MYH14: variants seen among roughly 807,000 people sequenced by gnomAD.
The protein encoded by MYH14 is myosin heavy chain 14, also known as myosin-14.
A neutral mutation model predicts 255.5 loss-of-function variants in MYH14; 123 were observed. That is an observed-to-expected ratio of 0.48 (90% CI 0.42 to 0.56). MYH14 has a LOEUF of 0.56. Among genes scored for constraint, MYH14 ranks in the 20% least tolerant of loss-of-function variants. MYH14 has a pLI of 0.00. For missense variants in MYH14, 2,423 were observed against 2,802.3 expected, an observed-to-expected ratio of 0.86 and a Z score of 3.06; for synonymous variants, 1,095 against 1,161.2, an observed-to-expected ratio of 0.94 and a Z score of 1.16.
At chr19:50,215,392 C>A (rs780937004) in intron 2 of MYH14, among the ~76,000 whole-genome samples, 2 of 152,216 alleles carry the variant, frequency 1.3e-5, no homozygotes, top group Non-Finnish European at 2.9e-5. Flanking sequence ...CCCAGCAAAC[C>A]GGTTGTTCTG....
At chr19:50,296,984 T>TTTTGTTTG (rs1297941166) in intron 39 of MYH14, among the ~76,000 whole-genome samples, 1 of 151,628 alleles carries the variant, frequency 6.6e-6, no homozygotes, top group Non-Finnish European at 1.5e-5. Context: ...CTCTGTTTTT[T>TTTTGTTTG]TTTGTTTGTT....
chr19:50,271,281 C>A, intron 24 of MYH14, 128 bp from the exon 25 acceptor site: 1 of 923,116 alleles, frequency 1.1e-6, no homozygotes, highest in Non-Finnish European at 1.6e-6. Flanking sequence ...CGGCCTCACC[C>A]AGGGCATGGA....
rs745351261 is a variant in MYH14 at position 50,248,995 on chromosome 19, C to T, written c.1338C>T (p.Phe446=). ...QKAQTKEQAD[F]ALEALAKATY... ...TGAGCCCTGTCCCACAGGCTGACTT[C>T]GCGCTGGAGGCCCTGGCCAAGGCCA... Residue 446 remains phenylalanine (F), a synonymous_variant, in exon 13 of 43, where the codon TTC becomes TTT. Coordinates refer to ENST00000642316, the MANE Select transcript of MYH14 (RefSeq NM_001145809.2). 7 of 1,613,396 alleles carry T rather than the reference C, an allele frequency of 4.3e-6. No homozygotes were observed. Among genetic ancestry groups the T allele is most frequent in the East Asian group, 2.2e-5 (1 of 44,898 alleles).
intron 1 of MYH14, among the ~76,000 whole-genome samples, chr19:50,207,942 C>T (rs568640366): frequency 1.3e-5 from 2 of 152,310 alleles, no homozygotes; most frequent in Admixed American, 1.3e-4. Context: ...GCACTGCTGT[C>T]TGGAATGATT....
intron 10 of MYH14, among the ~76,000 whole-genome samples, chr19:50,239,840 C>T (rs532876836): frequency 3.3e-5 from 5 of 152,256 alleles, no homozygotes; most frequent in Non-Finnish European, 5.9e-5. Context: ...TGAGCCACCG[C>T]GCCCGGCCAC....
rs2035693516 is a variant in MYH14, at chr19:50,280,823, C to A, written c.4290+440C>A. ...CAGTCAGGCATTGAGGCCCTGCAAT[C>A]TCTGGTCCTTCCTCTGCCTTTAGCT... On this transcript the variant is annotated intron_variant, in intron 32 of 42. Coordinates refer to ENST00000642316, the MANE Select transcript of MYH14 (RefSeq NM_001145809.2). The surrounding 1 kb of genome is among the most constrained non-coding windows in gnomAD (Gnocchi z 4.8). Among the ~76,000 whole-genome samples the A allele has an allele frequency of 6.6e-6, 1 of 152,256 alleles. No individual in the cohort carries two copies. The highest frequency in any genetic ancestry group is 2.1e-4 in the South Asian group (1 of 4,834).
intron 2 of MYH14, 31 bp downstream of exon 2, chr19:50,210,801 G>A (rs766749315): frequency 7.8e-6 from 12 of 1,533,058 alleles, no homozygotes; most frequent in South Asian, 5.0e-5. Context: ...GGGCGCGTGC[G>A]GCGGAGTTGC....
rs749121002 is a variant in MYH14 at position 50,271,439 on chromosome 19, G to A, written c.3064G>A (p.Gly1022Ser). The change falls in exon 25 of 43, where the codon GGT (glycine) becomes AGT (serine). Residue 1022 changes from glycine to serine, a missense_variant. By Grantham distance (56) the Gly-to-Ser change is moderately conservative. Around this residue, in one of 3 missense-constraint regions of MYH14, gnomAD observed 1,513 missense variants for 1,674.8 expected, o/e 0.90. Coordinates refer to ENST00000642316, the MANE Select transcript of MYH14 (RefSeq NM_001145809.2). Reference sequence around the variant, plus strand: ...AGAGGCCCACCTTGAGGCTGAGGAGGGTGCGCGGCAGAAGCTGCAGCTGGA... The same window carrying A: ...AGAGGCCCACCTTGAGGCTGAGGAGAGTGCGCGGCAGAAGCTGCAGCTGGA... ...ELEAHLEAEEGARQKLQLEKV... is the reference protein window; with the variant it reads ...ELEAHLEAEESARQKLQLEKV... 37 of 1,606,450 alleles carry A rather than the reference G, an allele frequency of 2.3e-5. No individual in the cohort carries two copies. Among genetic ancestry groups the A allele is most frequent in the Non-Finnish European group, 4.2e-6 (5 of 1,176,870 alleles).
intron 2 of MYH14, among the ~76,000 whole-genome samples, chr19:50,215,966 G>A (rs918608858): frequency 3.3e-5 from 5 of 152,188 alleles, no homozygotes; most frequent in African/African-American, 7.2e-5. Context: ...AAAGTCAAGC[G>A]ACAAGCCCAG....
intron 37 of MYH14, 21 bp downstream of exon 37, chr19:50,292,410 GCCCT>G: frequency 6.5e-7 from 1 of 1,548,488 alleles, no homozygotes; most frequent in Non-Finnish European, 8.7e-7. Flanking sequence ...GGTAGGCTGG[GCCCT>G]GGGACAGGAA....
At chr19:50,309,589 C>A in intron 42 of MYH14, 51 bp from the exon 43 acceptor site, 1 of 1,225,938 alleles carries the variant, frequency 8.2e-7, no homozygotes, top group South Asian at 1.3e-5. Flanking sequence ...CTTTCTCCTC[C>A]CCTCCCCTCC....
At chr19:50,205,899 C>T (rs560602934) in intron 1 of MYH14, among the ~76,000 whole-genome samples, 2 of 152,110 alleles carry the variant, frequency 1.3e-5, no homozygotes, top group East Asian at 3.9e-4. Flanking sequence ...CAGGGTCAGA[C>T]GGCTGGATGC....
At position 50,250,037 on chromosome 19, in the gene MYH14, G is replaced by T. The variant is rs925870144; in HGVS notation, c.1656+214G>T. 6.6e-6 allele frequency among the ~76,000 whole-genome samples: 1 copy of T among 152,218 alleles called. No homozygotes were observed. Among genetic ancestry groups the T allele is most frequent in the Non-Finnish European group, 1.5e-5 (1 of 68,034 alleles). On this transcript the variant is annotated intron_variant, in intron 14 of 42. Transcript: ENST00000642316. This position sits in a 1 kb window ranked among gnomAD's most constrained non-coding sequence, Gnocchi z 5.4. ...CCACAGGGCCCGGCTCAAATCAATC[G>T]GTTAATCAGAGCTCTCACCGTAACT...
At chr19:50,253,483 A>G (rs2034478760) in intron 16 of MYH14, among the ~76,000 whole-genome samples, 1 of 152,100 alleles carries the variant, frequency 6.6e-6, no homozygotes, top group Non-Finnish European at 1.5e-5. Flanking sequence ...AATTTATAAC[A>G]ATAAGAGAAC....
intron 3 of MYH14, among the ~76,000 whole-genome samples, chr19:50,220,393 TTTA>T (rs1181168921): frequency 2.0e-5 from 3 of 149,078 alleles, no homozygotes; most frequent in African/African-American, 7.3e-5. Context: ...TCATTTTTAT[TTTA>T]TTATACTTTA....
chr19:50,239,758 C>T (rs575231976), intron 10 of MYH14, among the ~76,000 whole-genome samples: 11 of 152,106 alleles, frequency 7.2e-5, no homozygotes, highest in Admixed American at 7.2e-4. Flanking sequence ...ACTGTGTTAG[C>T]CAGGATGGTC....
Position 50,230,645 on chromosome 19 carries a change from C to T in MYH14, c.973+22C>T, listed in dbSNP as rs1466457645. The stretch of plus-strand genomic sequence containing the variant: ...AAAGGTCAGTGCCGCCCCGTCCTAC[C>T]CTGCTCACCCGGGAGAGGGTGGGCA... On this transcript the variant is annotated intron_variant, in intron 9 of 42. Coordinates refer to ENST00000642316, the MANE Select transcript of MYH14 (RefSeq NM_001145809.2). This position sits in a 1 kb window ranked among gnomAD's most constrained non-coding sequence, Gnocchi z 4.7. 6 of 1,549,546 alleles carry T rather than the reference C, an allele frequency of 3.9e-6. No homozygotes were observed. Among genetic ancestry groups the T allele is most frequent in the South Asian group, 1.2e-5 (1 of 84,048 alleles).
At chr19:50,232,176 T>C in intron 10 of MYH14, 106 bp downstream of exon 10, 8 of 1,406,948 alleles carry the variant, frequency 5.7e-6, no homozygotes, top group Non-Finnish European at 6.8e-6. Flanking sequence ...ATTGAGCACC[T>C]ACTGGGTGCA....
rs1568500513 is a variant in MYH14 at position 50,251,527 on chromosome 19, C to CATATATATAT, written c.1830+840_1830+841insTATATATATA. 6.8e-3 allele frequency among the ~76,000 whole-genome samples: 150 copies of CATATATATAT among 22,140 alleles called. 1 individual carries two copies. Among genetic ancestry groups the CATATATATAT allele is most frequent in the African/African-American group, 0.019 (145 of 7,690 alleles). 14.5% of individuals were successfully genotyped at this position (22,140 alleles called of 152,430 possible). ...CACATATATATATACACACTACACACACACACACACACACACACACACACA... is the reference window on the plus strand; with the variant it reads ...CACATATATATATACACACTACACACATATATATATACACACACACACACACACACACACA... On this transcript the variant is annotated intron_variant, in intron 15 of 42. Transcript: ENST00000642316.
Sources: allele counts gnomAD v4.1 joint callset (sites outside exome capture counted in the v4.1 genomes callset), GRCh38; gene constraint gnomAD v4.1.1; regional missense constraint gnomAD v4.1.1; non-coding constraint Gnocchi (gnomAD v3.1); transcripts MANE v1.5; gene names NCBI Gene and HGNC (gene_info 2026-07-23, HGNC 2026-07-21).